LPCAT1: variants seen among roughly 807,000 people sequenced by gnomAD.
LPCAT1 encodes lysophosphatidylcholine acyltransferase 1.
LPCAT1 carries 23 observed loss-of-function variants against 60.9 expected under a neutral mutation model. The ratio of observed to expected loss-of-function variants is 0.38; its 90% CI spans 0.27 to 0.53. The LOEUF (loss-of-function observed/expected upper bound fraction) is 0.53. LPCAT1 is among the 20% of genes least tolerant of loss of function. LPCAT1 has a pLI of 0.82. For missense variants in LPCAT1, 622 were observed against 723.6 expected (o/e 0.86, Z 1.61); for synonymous variants, 340 against 301.1 (o/e 1.13, Z -1.34).
chr5:1,466,279 G>A (rs1320263897), intron 13 of LPCAT1, among the ~76,000 whole-genome samples: 2 of 152,228 alleles, frequency 1.3e-5, no homozygotes, highest in African/African-American at 4.8e-5. Context: ...TCCACAGACA[G>A]GTGACTTTTC....
At chr5:1,474,474 C>G in intron 10 of LPCAT1, 86 bp downstream of exon 10, 1 of 1,503,830 alleles carries the variant, frequency 6.6e-7, no homozygotes, top group Non-Finnish European at 9.1e-7. Flanking sequence ...CCTCAGTTCC[C>G]CTCCCTGCAA....
chr5:1,505,199 G>A (rs1194967879), intron 1 of LPCAT1, among the ~76,000 whole-genome samples: 2 of 142,628 alleles, frequency 1.4e-5, no homozygotes, highest in Non-Finnish European at 1.5e-5. Context: ...AGTAACCCAC[G>A]GTGTTCCTGA....
At position 1,476,734 on chromosome 5, in the gene LPCAT1, A is replaced by T. The variant is rs1308753369; in HGVS notation, c.899+670T>A. On this transcript the variant is annotated intron_variant, in intron 9 of 13. Transcript: ENST00000283415. The surrounding 1 kb of genome is among the most constrained non-coding windows in gnomAD (Gnocchi z 8.6). ...TCACGTGGGGGTAAATCCAGGTGGGAGGACCTGGTTGCAAGGACAAGTGTG... is the reference window on the plus strand; with the variant it reads ...TCACGTGGGGGTAAATCCAGGTGGGTGGACCTGGTTGCAAGGACAAGTGTG... Among the ~76,000 whole-genome samples, 3 of 151,542 alleles carry T rather than the reference A, an allele frequency of 2.0e-5. No individual in the cohort carries two copies. The highest frequency in any genetic ancestry group is 4.4e-5 in the Non-Finnish European group (3 of 67,914).
Position 1,487,323 on chromosome 5 carries a change from G to A in LPCAT1, c.667+1068C>T, listed in dbSNP as rs921371110. 6.6e-6 allele frequency among the ~76,000 whole-genome samples: 1 copy of A among 152,214 alleles called. No homozygotes were observed. Among genetic ancestry groups the A allele is most frequent in the Non-Finnish European group, 1.5e-5 (1 of 68,036 alleles). On this transcript the variant is annotated intron_variant, in intron 5 of 13. Coordinates refer to ENST00000283415, the MANE Select transcript of LPCAT1 (RefSeq NM_024830.5). This position sits in a 1 kb window ranked among gnomAD's most constrained non-coding sequence, Gnocchi z 6.1. ...TCACCGCGTGCCGCCTCCACCCTCT[G>A]CATCTCTGGTTCTGATCAGAATGAC...
Position 1,480,249 on chromosome 5 carries a change from T to A in LPCAT1, c.762-574A>T. 13 of 625,676 alleles carry A rather than the reference T, an allele frequency of 2.1e-5. No homozygotes were observed. Among genetic ancestry groups the A allele is most frequent in the Non-Finnish European group, 2.5e-5 (13 of 515,180 alleles). The allele number at this position is 625,676 out of a possible 1,614,324, so 38.8% of individuals were successfully genotyped here. On this transcript the variant is annotated intron_variant, in intron 7 of 13. Transcript: ENST00000283415. This position sits in a 1 kb window ranked among gnomAD's most constrained non-coding sequence, Gnocchi z 6.4. ...ATACCCCCCAGAGCCCCCTCCCAGC[T>A]CTGCTCCCAGCTGGGAGCCTCCACA...
intron 5 of LPCAT1, among the ~76,000 whole-genome samples, chr5:1,486,402 C>T (rs1735372189): frequency 6.6e-6 from 1 of 152,118 alleles, no homozygotes. Context: ...GCTCCAGGAG[C>T]CTGAGGCTGG....
rs1162100695 is a variant in LPCAT1, at chr5:1,487,978, G to C, written c.667+413C>G. 2.0e-5 allele frequency among the ~76,000 whole-genome samples: 3 copies of C among 152,130 alleles called. No individual in the cohort carries two copies. Among genetic ancestry groups the C allele is most frequent in the Non-Finnish European group, 4.4e-5 (3 of 68,024 alleles). ...AGAACACTGTCTAACTGGGGACCTGGGGACCTGGGCATCTGAGGATGGCTC... is the reference window on the plus strand; with the variant it reads ...AGAACACTGTCTAACTGGGGACCTGCGGACCTGGGCATCTGAGGATGGCTC... On this transcript the variant is annotated intron_variant, in intron 5 of 13. Transcript: ENST00000283415. The surrounding 1 kb of genome is among the most constrained non-coding windows in gnomAD (Gnocchi z 6.1).
intron 11 of LPCAT1, among the ~76,000 whole-genome samples, chr5:1,471,713 G>A (rs145169231): frequency 2.0e-5 from 3 of 152,068 alleles, no homozygotes; most frequent in East Asian, 1.9e-4. Flanking sequence ...TCCAGGGGTA[G>A]AGGGAGGGCT....
At position 1,474,118 on chromosome 5, in the gene LPCAT1, A is replaced by C. The variant is rs1251987365; in HGVS notation, c.1026-8T>G. The C allele has an allele frequency of 1.2e-6, 2 of 1,607,416 alleles. No homozygotes were observed. Among genetic ancestry groups the C allele is most frequent in the Non-Finnish European group, 8.5e-7 (1 of 1,176,526 alleles). ...AGCTTTTCTGGTTTTAGCCTAGACAAAAAAAGAGGGAAAGCTTTCTTTTTC... is the reference window on the plus strand; with the variant it reads ...AGCTTTTCTGGTTTTAGCCTAGACACAAAAAGAGGGAAAGCTTTCTTTTTC... On this transcript the variant is annotated splice_region_variant and splice_polypyrimidine_tract_variant and intron_variant, in intron 10 of 13. Transcript: ENST00000283415.
intron 1 of LPCAT1, among the ~76,000 whole-genome samples, chr5:1,510,142 G>GT (rs200814802): frequency 0.021 from 3,237 of 152,200 alleles, 47 homozygotes; most frequent in Middle Eastern, 0.071. Context: ...TTAGATTTCA[G>GT]TGAGGTCACA....
At position 1,476,346 on chromosome 5, in the gene LPCAT1, C is replaced by T. The variant is rs905599127; in HGVS notation, c.899+1058G>A. Among the ~76,000 whole-genome samples the T allele has an allele frequency of 6.6e-6, 1 of 152,092 alleles. No individual in the cohort carries two copies. Among genetic ancestry groups the T allele is most frequent in the Non-Finnish European group, 1.5e-5 (1 of 68,028 alleles). ...TGGAGCTTTGCGGGACAGAGACTGCCGGGCCCATTTCTACCCTCGGACACA... is the reference window on the plus strand; with the variant it reads ...TGGAGCTTTGCGGGACAGAGACTGCTGGGCCCATTTCTACCCTCGGACACA... On this transcript the variant is annotated intron_variant, in intron 9 of 13. Coordinates refer to ENST00000283415, the MANE Select transcript of LPCAT1 (RefSeq NM_024830.5). This position sits in a 1 kb window ranked among gnomAD's most constrained non-coding sequence, Gnocchi z 8.6.
In LPCAT1 at chr5:1,463,068, A is replaced by G. The variant is rs929389581; in HGVS notation, c.*583T>C. On this transcript the variant is annotated 3_prime_UTR_variant, in exon 14 of 14. Transcript: ENST00000283415. The stretch of plus-strand genomic sequence containing the variant: ...GACTCTAAAAGGAAAAATGAAGTAG[A>G]AAAACAATTTTCATTTTTTAAAAAA... 1 of 152,254 alleles carries G rather than the reference A, an allele frequency of 6.6e-6. No homozygotes were observed. Among genetic ancestry groups the G allele is most frequent in the Non-Finnish European group, 1.5e-5 (1 of 68,048 alleles). The allele number at this position is 152,254 out of a possible 1,614,324, so 9.4% of individuals were successfully genotyped here.
chr5:1,478,503 G>T (rs1735011531), intron 8 of LPCAT1, among the ~76,000 whole-genome samples: 1 of 152,272 alleles, frequency 6.6e-6, no homozygotes, highest in African/African-American at 2.4e-5. Flanking sequence ...GCCCTCAGGA[G>T]CTCAAGCTCA....
chr5:1,518,306 A>G (rs922317724), intron 1 of LPCAT1, among the ~76,000 whole-genome samples: 1 of 152,228 alleles, frequency 6.6e-6, no homozygotes, highest in Non-Finnish European at 1.5e-5. Flanking sequence ...GTCTTACCCC[A>G]GGTTGCTTGT....
chr5:1,489,856 G>C lies in LPCAT1; in HGVS notation c.496C>G (p.Leu166Val), dbSNP rs770282686. The C allele has an allele frequency of 6.2e-7, 1 of 1,605,356 alleles. No individual in the cohort carries two copies. The change falls in exon 4 of 14, where the codon CTG (leucine) becomes GTG (valine). Residue 166 changes from leucine (L) to valine (V), a missense_variant and splice_region_variant. Leu to Val is a conservative substitution (Grantham distance 32). Transcript: ENST00000283415. ...AACACAGGCCGTATATACTGGATCA[G>C]AGCTGGAAGAGAGGAGGGGAGACGG... ...ESRDIPIWGT[L>V]IQYIRPVFVS...
At chr5:1,514,130 G>T (rs148565385) in intron 1 of LPCAT1, among the ~76,000 whole-genome samples, 1 of 152,220 alleles carries the variant, frequency 6.6e-6, no homozygotes, top group South Asian at 2.1e-4. Context: ...CACCACCAGC[G>T]GCTGGGGAGA....
chr5:1,499,813 C>A (rs561009312), intron 2 of LPCAT1, among the ~76,000 whole-genome samples: 6 of 152,364 alleles, frequency 3.9e-5, no homozygotes, highest in Middle Eastern at 3.4e-3. Context: ...TCCCCCTGCA[C>A]CTAACTGCAT....
chr5:1,488,523 A>T (rs1735454346), intron 4 of LPCAT1, 72 bp from the exon 5 acceptor site: 1 of 1,001,006 alleles, frequency 1.0e-6, no homozygotes, highest in African/African-American at 1.6e-5. Flanking sequence ...ACAGAAGCCA[A>T]TCTTCACAAT....
intron 10 of LPCAT1, 141 bp downstream of exon 10, chr5:1,474,419 C>T (rs1734813990): frequency 1.6e-6 from 2 of 1,215,472 alleles, no homozygotes; most frequent in Non-Finnish European, 2.3e-6. Flanking sequence ...ACTATGTGGG[C>T]TTAAGTTGAT....
Sources: gnomAD v4.1 joint callset for allele counts (sites outside exome capture counted in the v4.1 genomes callset) on GRCh38, gnomAD v4.1.1 for gene constraint, Gnocchi (gnomAD v3.1) non-coding constraint, MANE v1.5 for transcripts, NCBI Gene and HGNC (gene_info 2026-07-23, HGNC 2026-07-21) for gene names.